VWA8: variants seen among roughly 807,000 people sequenced by gnomAD.
VWA8 encodes von Willebrand factor A domain-containing protein 8.
In VWA8, 221 loss-of-function variants were observed where a neutral mutation model predicts 241.5. That is an observed-to-expected ratio of 0.91 (90% CI 0.82 to 1.02). VWA8 has a LOEUF of 1.02. Ranked by LOEUF, VWA8 falls within the 50% of genes least tolerant of loss-of-function variation. VWA8 has a pLI of 0.00. For synonymous variants in VWA8, 852 were observed against 827.1 expected, an observed-to-expected ratio of 1.03 and a Z score of -0.52; for missense variants, 2,322 against 2,328.7, an observed-to-expected ratio of 1.00 and a Z score of 0.06.
chr13:41,807,610 T>C (rs1870272510), intron 17 of VWA8: 1 of 152,222 alleles, frequency 6.6e-6, no homozygotes, highest in Admixed American at 6.5e-5. Context: ...CTTCAATTGA[T>C]GCTGAAAAAG....
chr13:41,727,257 T>C lies in VWA8; in HGVS notation c.2695A>G (p.Met899Val), dbSNP rs1396924217. 3.9e-6 allele frequency: 6 copies of C among 1,557,380 alleles called. No individual in the cohort carries two copies. In the African/African-American group the frequency reaches 8.2e-5, roughly 21 times the overall value. ...NVVVIHPDFR[M>V]IVLANRPGFP... ...CCAGGTCTATTTGCCAGAACAATCA[T>C]CCTAAAATCAGGATGAATCACTACA... is the stretch of plus-strand genomic sequence containing the variant. The change falls in exon 24 of 45, where the codon ATG becomes GTG. Residue 899 changes from methionine to valine, a missense_variant. Physicochemically the swap from Met to Val is conservative, Grantham distance 21. Coordinates refer to ENST00000379310, the MANE Select transcript of VWA8 (RefSeq NM_015058.2).
At chr13:41,706,274 T>C (rs1181660194) in intron 26 of VWA8, among the ~76,000 whole-genome samples, 1 of 152,192 alleles carries the variant, frequency 6.6e-6, no homozygotes, top group Non-Finnish European at 1.5e-5. Flanking sequence ...TATATAAAAA[T>C]AGCACTGGCT....
intron 4 of VWA8, among the ~76,000 whole-genome samples, chr13:41,901,888 AAATATAT>A (rs1275862377): frequency 1.3e-5 from 1 of 79,532 alleles, no homozygotes; most frequent in Admixed American, 1.7e-4. Flanking sequence ...AAAAAAAAAA[AAATATAT>A]ATATATATAT....
At chr13:41,657,483 T>C (rs1566404368) in intron 37 of VWA8, among the ~76,000 whole-genome samples, 1 of 126,528 alleles carries the variant, frequency 7.9e-6, no homozygotes, top group Non-Finnish European at 1.7e-5. Flanking sequence ...AAAGTTATTC[T>C]TTTTTTTTTT....
At chr13:41,569,490 C>T (rs1409162039) in intron 44 of VWA8, among the ~76,000 whole-genome samples, 3 of 152,148 alleles carry the variant, frequency 2.0e-5, no homozygotes, top group African/African-American at 7.2e-5. Context: ...TAAGTCTGTT[C>T]TCAACCTCGC....
chr13:41,773,349 A>G (rs1319172200), intron 20 of VWA8, among the ~76,000 whole-genome samples: 2 of 152,240 alleles, frequency 1.3e-5, no homozygotes, highest in East Asian at 3.8e-4. Flanking sequence ...TCAAATATGA[A>G]GAAAAGCATG....
At chr13:41,697,275 T>C (rs572109455) in intron 29 of VWA8, among the ~76,000 whole-genome samples, 1 of 152,362 alleles carries the variant, frequency 6.6e-6, no homozygotes, top group Non-Finnish European at 1.5e-5. Context: ...ACCACCATTA[T>C]TTCTTAACTA....
intron 37 of VWA8, among the ~76,000 whole-genome samples, chr13:41,641,745 T>C (rs1161317744): frequency 6.6e-6 from 1 of 151,988 alleles, no homozygotes. Context: ...TTTGTATTCA[T>C]ACTGCATGGT....
At chr13:41,850,517 A>T (rs1593816122) in intron 12 of VWA8, among the ~76,000 whole-genome samples, 2 of 152,324 alleles carry the variant, frequency 1.3e-5, no homozygotes, top group Non-Finnish European at 2.9e-5. Flanking sequence ...GTTAGGTCCC[A>T]TCAACCCAAG....
chr13:41,692,533 A>G (rs2045185287), intron 30 of VWA8, among the ~76,000 whole-genome samples: 1 of 152,208 alleles, frequency 6.6e-6, no homozygotes, highest in South Asian at 2.1e-4. Context: ...ACATAACTAC[A>G]TAACTGGAAA....
intron 14 of VWA8, among the ~76,000 whole-genome samples, chr13:41,821,151 A>G (rs1870939350): frequency 6.6e-6 from 1 of 152,278 alleles, no homozygotes; most frequent in South Asian, 2.1e-4. Context: ...AACAACTAAA[A>G]TGAGAGCATG....
intron 17 of VWA8, among the ~76,000 whole-genome samples, chr13:41,793,196 G>A (rs2137950466): frequency 6.6e-6 from 1 of 151,948 alleles, no homozygotes; most frequent in South Asian, 2.1e-4. Context: ...TTTTTGCTTT[G>A]GTTTGTTTTT....
chr13:41,955,408 A>T (rs1483507049), intron 1 of VWA8, among the ~76,000 whole-genome samples: 1 of 152,170 alleles, frequency 6.6e-6, no homozygotes, highest in Non-Finnish European at 1.5e-5. Context: ...CTTTATTATT[A>T]TCCTGAGATT....
chr13:41,721,353 G>T lies in VWA8; in HGVS notation c.2964+17C>A, dbSNP rs770302150. ...AGAGAGTGATGGCTCTTAGGTACAG[G>T]TGTGTGCCATACCTACCTGTAAATG... On this transcript the variant is annotated intron_variant, in intron 25 of 44. Coordinates refer to ENST00000379310, the MANE Select transcript of VWA8 (RefSeq NM_015058.2). 1 of 1,612,464 alleles carries T rather than the reference G, an allele frequency of 6.2e-7. No homozygotes were observed. The highest frequency in any genetic ancestry group is 8.5e-7 in the Non-Finnish European group (1 of 1,178,808).
chr13:41,638,999 G>A (rs975546860), intron 37 of VWA8, among the ~76,000 whole-genome samples: 2 of 152,138 alleles, frequency 1.3e-5, no homozygotes, highest in African/African-American at 4.8e-5. Flanking sequence ...TTGCAGAACT[G>A]AGCTTGGGAA....
intron 37 of VWA8, among the ~76,000 whole-genome samples, chr13:41,642,972 CAG>C (rs2044806962): frequency 2.0e-5 from 3 of 152,052 alleles, no homozygotes; most frequent in Non-Finnish European, 4.4e-5. Flanking sequence ...TGAAAAGTAA[CAG>C]ATAAATTTTC....
At chr13:41,813,302 GA>G (rs1870549117) in intron 16 of VWA8, among the ~76,000 whole-genome samples, 2 of 152,062 alleles carry the variant, frequency 1.3e-5, no homozygotes, top group African/African-American at 4.8e-5. Flanking sequence ...CCTATAAAAG[GA>G]AAAAGTCCTA....
In VWA8 at chr13:41,701,541, G is replaced by A; in HGVS notation, c.3226-11C>T. 6.5e-7 allele frequency: 1 copy of A among 1,533,658 alleles called. No homozygotes were observed. ...TATAAGTGCTGGACCCTATAATAAA[G>A]CAGTTATCTCAGTTAAGATATTTTG... On this transcript the variant is annotated splice_polypyrimidine_tract_variant and intron_variant, in intron 27 of 44. Transcript: ENST00000379310.
At chr13:41,671,542 G>A (rs1032909433) in intron 36 of VWA8, among the ~76,000 whole-genome samples, 7 of 152,030 alleles carry the variant, frequency 4.6e-5, no homozygotes, top group Non-Finnish European at 4.4e-5. Context: ...GCTTGTATCC[G>A]CATCCCCCCG....
Sources: gnomAD v4.1 joint callset for allele counts (sites outside exome capture counted in the v4.1 genomes callset) on GRCh38, gnomAD v4.1.1 for gene constraint, MANE v1.5 for transcripts, NCBI Gene and HGNC (gene_info 2026-07-23, HGNC 2026-07-21) for gene names.